Variants in ZBBX observed in about 807,000 individuals in gnomAD.
ZBBX encodes zinc finger B-box domain-containing protein 1.
ZBBX carries 101 observed loss-of-function variants against 108.5 expected under a neutral mutation model. The observed-to-expected ratio is 0.93, with a 90% confidence interval of 0.79 to 1.10. ZBBX has a LOEUF of 1.10. Ranked by LOEUF, ZBBX falls within the 50% of genes least tolerant of loss-of-function variation. The pLI is 0.00. For missense variants in ZBBX, 1,009 were observed against 941.4 expected (o/e 1.07, Z -0.94); for synonymous variants, 356 against 323.4 (o/e 1.10, Z -1.08).
intron 8 of ZBBX, among the ~76,000 whole-genome samples, chr3:167,358,530 T>C (rs1398311140): frequency 6.6e-6 from 1 of 152,200 alleles, no homozygotes; most frequent in African/African-American, 2.4e-5. Flanking sequence ...ATGTTATATG[T>C]ATTTCACTAT....
At chr3:167,246,895 C>T (rs2108334141) in intron 20 of ZBBX, among the ~76,000 whole-genome samples, 1 of 152,240 alleles carries the variant, frequency 6.6e-6, no homozygotes, top group East Asian at 1.9e-4. Flanking sequence ...ATCCTCAAAG[C>T]AATACAGATG....
At chr3:167,202,249 A>C in the ZBBX span, among the ~76,000 whole-genome samples, 11 of 152,148 alleles carry the variant, frequency 7.2e-5, no homozygotes, top group Non-Finnish European at 1.6e-4. Context: ...TGTTTCAGGA[A>C]AAGTTTAGTT....
At chr3:167,306,280 A>G (rs1017732116) in intron 16 of ZBBX, among the ~76,000 whole-genome samples, 1 of 152,090 alleles carries the variant, frequency 6.6e-6, no homozygotes, top group African/African-American at 2.4e-5. Flanking sequence ...TCTCACTCAA[A>G]TTTTACAACA....
intron 20 of ZBBX, among the ~76,000 whole-genome samples, chr3:167,250,890 C>G (rs1013016255): frequency 6.6e-6 from 1 of 152,166 alleles, no homozygotes; most frequent in Non-Finnish European, 1.5e-5. Context: ...CTCTGGCCCA[C>G]CATGCTCTCA....
chr3:167,361,092 T>G (rs1255613990), intron 6 of ZBBX, among the ~76,000 whole-genome samples: 10 of 152,136 alleles, frequency 6.6e-5, no homozygotes, highest in Admixed American at 6.6e-4. Context: ...CAGTCTAATA[T>G]TTGTGTAAGC....
chr3:167,387,779 A>G (rs1747963531), intron 1 of ZBBX, among the ~76,000 whole-genome samples: 1 of 152,010 alleles, frequency 6.6e-6, no homozygotes. Flanking sequence ...GAAAGGAGCT[A>G]TTAGTTATCA....
intron 8 of ZBBX, 47 bp downstream of exon 8, chr3:167,359,823 T>C (rs1226062698): frequency 1.1e-6 from 1 of 940,562 alleles, no homozygotes; most frequent in Non-Finnish European, 1.5e-6. Flanking sequence ...AACTGCTTAA[T>C]ATACCTACTA....
intron 4 of ZBBX, among the ~76,000 whole-genome samples, chr3:167,371,701 C>G (rs1036546171): frequency 6.6e-6 from 1 of 152,074 alleles, no homozygotes; most frequent in African/African-American, 2.4e-5. Context: ...TTTCTATTAA[C>G]AAAATTGGTA....
chr3:167,363,635 G>T (rs1744885414), intron 6 of ZBBX, among the ~76,000 whole-genome samples: 1 of 151,878 alleles, frequency 6.6e-6, no homozygotes, highest in African/African-American at 2.4e-5. Flanking sequence ...CCTCTACTAG[G>T]ATGTCCATCT....
At chr3:167,350,195 C>T (rs928229394) in intron 9 of ZBBX, among the ~76,000 whole-genome samples, 1 of 151,948 alleles carries the variant, frequency 6.6e-6, no homozygotes, top group Admixed American at 6.6e-5. Flanking sequence ...AGACTCTAAG[C>T]TGTTTCTGCA....
At chr3:167,276,261 G>C (rs977182994) in intron 20 of ZBBX, among the ~76,000 whole-genome samples, 1 of 152,212 alleles carries the variant, frequency 6.6e-6, no homozygotes, top group Non-Finnish European at 1.5e-5. Context: ...GACGAGCTGA[G>C]AGAAGAAGGC....
chr3:167,195,029 T>A, the ZBBX span, among the ~76,000 whole-genome samples: 9 of 152,194 alleles, frequency 5.9e-5, no homozygotes, highest in Admixed American at 2.6e-4. Context: ...TCCAGCACTA[T>A]CTTCTACACA....
At chr3:167,340,790 C>T (rs966659380) in intron 9 of ZBBX, among the ~76,000 whole-genome samples, 3 of 150,902 alleles carry the variant, frequency 2.0e-5, no homozygotes, top group African/African-American at 7.3e-5. Context: ...TAGAAGACAA[C>T]TGGAAAAGAA....
intron 20 of ZBBX, among the ~76,000 whole-genome samples, chr3:167,266,618 C>T (rs539338907): frequency 1.2e-4 from 19 of 152,084 alleles, no homozygotes; most frequent in South Asian, 2.1e-4. Context: ...CCCCAGCCCA[C>T]GGGGGAAGAA....
Position 167,317,061 on chromosome 3 carries a change from C to G in ZBBX, c.1138G>C (p.Glu380Gln). The G allele has an allele frequency of 6.2e-7, 1 of 1,610,954 alleles. No individual in the cohort carries two copies. ...TCAGGTCTCTCTATGTTTAATGTTT[C>G]TACTGGCAATAAAAGAGCTGTGTGT... is the stretch of plus-strand genomic sequence containing the variant. Reference protein sequence around the residue: ...VQHTALLLPVETLNIERPEPS... With the variant: ...VQHTALLLPVQTLNIERPEPS... The change falls in exon 14 of 22, where the codon GAA becomes CAA. Residue 380 changes from glutamate to glutamine, a missense_variant. Transcript: ENST00000675490.
rs201604484 is a variant in ZBBX, at chr3:167,320,243, CAAA to C, written c.983+1871_983+1873del. On this transcript the variant is annotated intron_variant, in intron 12 of 21. Coordinates refer to ENST00000675490, the MANE Select transcript of ZBBX (RefSeq NM_001199201.2). ...AAAGAGATGTTCAAAGCAAACTAAC[CAAA>C]AAAAAAAAAAAAAATTGATGACAAC... Among the ~76,000 whole-genome samples, 859 of 98,340 alleles carry C rather than the reference CAAA, an allele frequency of 8.7e-3. 7 individuals are homozygous for C. The highest frequency in any genetic ancestry group is 0.028 in the African/African-American group (831 of 29,278). The allele number at this position is 98,340 out of a possible 152,430, so 64.5% of individuals were successfully genotyped here. A position where few individuals can be genotyped will look rare whatever the true frequency, so the allele number is the denominator to read the frequency against.
intron 8 of ZBBX, among the ~76,000 whole-genome samples, chr3:167,355,744 G>C (rs1743462871): frequency 6.6e-6 from 1 of 151,822 alleles, no homozygotes; most frequent in East Asian, 1.9e-4. Context: ...TTTTTAAATA[G>C]CTTTTTATTA....
At chr3:167,368,616 C>G in intron 4 of ZBBX, 42 bp from the exon 5 acceptor site, 1 of 1,460,714 alleles carries the variant, frequency 6.8e-7, no homozygotes, top group Middle Eastern at 1.8e-4. Flanking sequence ...GAAAAACAAG[C>G]GAAGCCAAAA....
the ZBBX span, among the ~76,000 whole-genome samples, chr3:167,180,659 A>C: frequency 6.6e-6 from 1 of 152,204 alleles, no homozygotes; most frequent in African/African-American, 2.4e-5. Context: ...CAAATTGTTG[A>C]ACTGTTTAAC....
Sources: allele counts gnomAD v4.1 joint callset (sites outside exome capture counted in the v4.1 genomes callset), GRCh38; gene constraint gnomAD v4.1.1; transcripts MANE v1.5; gene names NCBI Gene and HGNC (gene_info 2026-07-23, HGNC 2026-07-21).